ASPG: variants seen among roughly 807,000 people sequenced by gnomAD.
The protein encoded by ASPG is 60 kDa lysophospholipase.
ASPG carries 53 observed loss-of-function variants against 63.2 expected under a neutral mutation model. The ratio of observed to expected loss-of-function variants is 0.84; its 90% confidence interval spans 0.67 to 1.05. The LOEUF (loss-of-function observed/expected upper bound fraction) is 1.05, where lower values mean the gene tolerates loss of function less well. Among genes scored for constraint, ASPG ranks in the 50% least tolerant of loss-of-function variants. The probability of loss-of-function intolerance (pLI) is 0.00; values close to 1 mark genes in which losing one functional copy is unlikely to be tolerated. For synonymous variants in ASPG, 370 were observed against 355.0 expected (o/e 1.04, Z -0.48); for missense variants, 741 against 794.4 (o/e 0.93, Z 0.81).
At chr14:104,102,088 C>T (rs934903142) in intron 6 of ASPG, among the ~76,000 whole-genome samples, 1 of 152,062 alleles carries the variant, frequency 6.6e-6, no homozygotes, top group African/African-American at 2.4e-5. Context: ...CTGTGTAGCC[C>T]CCTCTCAGCC....
Position 104,110,476 on chromosome 14 carries a change from AGAACCCTGGTCC to A in ASPG, c.1521-1025_1521-1014del. On this transcript the variant is annotated intron_variant, in intron 13 of 15. Coordinates refer to ENST00000551177, the MANE Select transcript of ASPG (RefSeq NM_001080464.3). This position sits in a 1 kb window ranked among gnomAD's most constrained non-coding sequence, Gnocchi z 4.7. ...GTCAGGTCCTGTGGGAGCTGGGACC[AGAACCCTGGTCC>A]AGGACTCTGCTTGGAAGTGGCCTGG... is the stretch of plus-strand genomic sequence containing the variant. 9 of 985,344 alleles carry A rather than the reference AGAACCCTGGTCC, an allele frequency of 9.1e-6. No homozygotes were observed. The highest frequency in any genetic ancestry group is 1.1e-5 in the Non-Finnish European group (9 of 829,882). 61.0% of individuals were successfully genotyped at this position (985,344 alleles called of 1,614,324 possible). A position where few individuals can be genotyped will look rare whatever the true frequency, so the allele number is the denominator to read the frequency against.
At position 104,107,271 on chromosome 14, in the gene ASPG, G is replaced by T; in HGVS notation, c.1359G>T (p.Leu453=). The change falls in exon 12 of 16, where the codon CTG becomes CTT. Residue 453 remains leucine (L), a synonymous_variant. Transcript: ENST00000551177. ...RGGHTEAVTM[L]LQRGVDVNTR... ...GCCACACAGAGGCAGTCACCATGCT[G>T]CTGCAGAGAGGTGTGGACGTGAACA... 1 of 1,609,480 alleles carries T rather than the reference G, an allele frequency of 6.2e-7. No individual in the cohort carries two copies. Among genetic ancestry groups the T allele is most frequent in the Non-Finnish European group, 8.5e-7 (1 of 1,177,932 alleles).
At position 104,112,873 on chromosome 14, in the gene ASPG, CGT is replaced by C. The variant is rs2037419214; in HGVS notation, c.*331_*332del. The C allele has an allele frequency of 2.5e-6, 1 of 406,372 alleles. No homozygotes were observed. Among genetic ancestry groups the C allele is most frequent in the African/African-American group, 2.0e-5 (1 of 49,020 alleles). The allele number at this position is 406,372 out of a possible 1,614,324, so 25.2% of individuals were successfully genotyped here. A position where few individuals can be genotyped will look rare whatever the true frequency, so the allele number is the denominator to read the frequency against. Reference sequence around the variant, plus strand: ...AGCTGGGCAGGGTGGGGTGCATGGACGTGACTTGGCCAAGTGGTCCTTTCCCA... The same window carrying C: ...AGCTGGGCAGGGTGGGGTGCATGGACGACTTGGCCAAGTGGTCCTTTCCCA... On this transcript the variant is annotated 3_prime_UTR_variant, in exon 16 of 16. Coordinates refer to ENST00000551177, the MANE Select transcript of ASPG (RefSeq NM_001080464.3).
chr14:104,091,497 G>A lies in ASPG; in HGVS notation c.83-1136G>A, dbSNP rs936153380. 2.6e-5 allele frequency among the ~76,000 whole-genome samples: 4 copies of A among 152,136 alleles called. No individual in the cohort carries two copies. Among genetic ancestry groups the A allele is most frequent in the Admixed American group, 2.0e-4 (3 of 15,276 alleles). On this transcript the variant is annotated intron_variant, in intron 1 of 15. Coordinates refer to ENST00000551177, the MANE Select transcript of ASPG (RefSeq NM_001080464.3). This position sits in a 1 kb window ranked among gnomAD's most constrained non-coding sequence, Gnocchi z 6.4. Reference sequence around the variant, plus strand: ...CAGTCCTCTGGCAAACGTCCCCGGGGCTCCACAGGCCTTTGTGTAAGGCCA... The same window carrying A: ...CAGTCCTCTGGCAAACGTCCCCGGGACTCCACAGGCCTTTGTGTAAGGCCA...
chr14:104,099,070 G>C, intron 6 of ASPG, 91 bp downstream of exon 6: 2 of 1,493,282 alleles, frequency 1.3e-6, no homozygotes, highest in Non-Finnish European at 1.8e-6. Flanking sequence ...GGACTCGGCA[G>C]AGTTTGAGAG....
chr14:104,104,571 C>T, intron 8 of ASPG, 51 bp from the exon 9 acceptor site: 1 of 1,582,356 alleles, frequency 6.3e-7, no homozygotes, highest in East Asian at 2.3e-5. Flanking sequence ...CCCTCATGGG[C>T]TGGGGGCCGT....
intron 2 of ASPG, chr14:104,093,100 G>T: frequency 2.1e-6 from 1 of 475,400 alleles, no homozygotes; most frequent in South Asian, 2.3e-5. Flanking sequence ...TCAGCTCTGG[G>T]CCCAGCTCCC....
chr14:104,098,035 CGT>C (rs1596080722), intron 5 of ASPG, among the ~76,000 whole-genome samples: 2 of 82,630 alleles, frequency 2.4e-5, no homozygotes, highest in Non-Finnish European at 5.3e-5. Flanking sequence ...GTTAGAGATG[CGT>C]ATGGAGGTTT....
At chr14:104,094,501 T>C (rs2036509204) in intron 3 of ASPG, among the ~76,000 whole-genome samples, 1 of 145,534 alleles carries the variant, frequency 6.9e-6, no homozygotes, top group African/African-American at 2.6e-5. Flanking sequence ...CACAACACGC[T>C]CCCATGTTAC....
At position 104,110,493 on chromosome 14, in the gene ASPG, C is replaced by T. The variant is rs183012531; in HGVS notation, c.1521-1009C>T. 3 of 985,324 alleles carry T rather than the reference C, an allele frequency of 3.0e-6. No homozygotes were observed. The East Asian group carries it at 3.4e-4, about 112-fold the overall frequency. The allele number at this position is 985,324 out of a possible 1,614,324, so 61.0% of individuals were successfully genotyped here. On this transcript the variant is annotated intron_variant, in intron 13 of 15. Transcript: ENST00000551177. This position sits in a 1 kb window ranked among gnomAD's most constrained non-coding sequence, Gnocchi z 4.7. Reference sequence around the variant, plus strand: ...CTGGGACCAGAACCCTGGTCCAGGACTCTGCTTGGAAGTGGCCTGGCCAGC... The same window carrying T: ...CTGGGACCAGAACCCTGGTCCAGGATTCTGCTTGGAAGTGGCCTGGCCAGC...
Position 104,103,657 on chromosome 14 carries a change from T to C in ASPG, c.735T>C (p.Pro245=), listed in dbSNP as rs2036982035. Residue 245 remains proline (P), a synonymous_variant, in exon 7 of 16, where the codon CCT becomes CCC. Transcript: ENST00000551177. ...ACGTGGGCCTGCTGCGCCTCTACCC[T>C]GGGATCCCTGCCGCCCTGGTAGGGA... ...EQDVGLLRLY[P]GIPAALVRAF... The C allele has an allele frequency of 6.5e-7, 1 of 1,547,700 alleles. No individual in the cohort carries two copies. The highest frequency in any genetic ancestry group is 1.4e-5 in the African/African-American group (1 of 72,940).
Position 104,092,646 on chromosome 14 carries a change from G to C in ASPG, c.96G>C (p.Gly32=). 6.5e-7 allele frequency: 1 copy of C among 1,536,006 alleles called. No homozygotes were observed. The highest frequency in any genetic ancestry group is 8.7e-7 in the Non-Finnish European group (1 of 1,147,180). ...MRSELGVLVP[G]TGLAAILRTL... ...CTCTGCCTGCAGTGCTTGTGCCCGG[G>C]ACGGGCCTGGCTGCCATCCTGAGGA... Residue 32 remains glycine (G), a synonymous_variant, in exon 2 of 16, where the codon GGG becomes GGC. Transcript: ENST00000551177.
At chr14:104,093,231 C>T in intron 2 of ASPG, 1 of 569,458 alleles carries the variant, frequency 1.8e-6, no homozygotes, top group South Asian at 2.0e-5. Flanking sequence ...TGGTCCCAGC[C>T]CCCCTCTTCG....
chr14:104,098,557 G>A, intron 5 of ASPG, among the ~76,000 whole-genome samples: 1 of 152,158 alleles, frequency 6.6e-6, no homozygotes, highest in East Asian at 1.9e-4. Flanking sequence ...GTGGGCAGGT[G>A]GGAAGGGAAG....
At chr14:104,104,191 G>A (rs1337302316) in intron 7 of ASPG, 113 bp from the exon 8 acceptor site, 4 of 1,234,112 alleles carry the variant, frequency 3.2e-6, no homozygotes, top group Non-Finnish European at 4.5e-6. Flanking sequence ...AGCAGAGCAG[G>A]CACCAGCTGC....
At chr14:104,111,780 G>T in intron 14 of ASPG, 140 bp from the exon 15 acceptor site, 1 of 984,150 alleles carries the variant, frequency 1.0e-6, no homozygotes, top group Non-Finnish European at 1.5e-6. Flanking sequence ...TGAGTGGTGG[G>T]GGTGACGAGA....
In ASPG at chr14:104,105,174, C is replaced by T. The variant is rs573113055; in HGVS notation, c.1051-154C>T. The T allele has an allele frequency of 1.9e-5, 23 of 1,231,126 alleles. 1 individual carries two copies. The East Asian group carries it at 4.8e-4, about 26-fold the overall frequency. 76.3% of individuals were successfully genotyped at this position (1,231,126 alleles called of 1,614,324 possible). On this transcript the variant is annotated intron_variant, in intron 9 of 15. Transcript: ENST00000551177. Reference sequence around the variant, plus strand: ...AGTGGGGCTGGCCTTGGGAGGGGACCCAGCCCGCTCTGGCCCGAGGGATGA... The same window carrying T: ...AGTGGGGCTGGCCTTGGGAGGGGACTCAGCCCGCTCTGGCCCGAGGGATGA...
At position 104,097,567 on chromosome 14, in the gene ASPG, C is replaced by T; in HGVS notation, c.443C>T (p.Ala148Val). The stretch of plus-strand genomic sequence containing the variant: ...CCTCTCCCCCAGGTGCCCATCCATG[C>T]CCTGTGGAGCGACGGCCGTGAGAAC... Reference protein sequence around the residue: ...ILTGAQVPIHALWSDGRENLL... With the variant: ...ILTGAQVPIHVLWSDGRENLL... Residue 148 changes from alanine to valine, a missense_variant, in exon 5 of 16, where the codon GCC becomes GTC. Physicochemically the swap from Ala to Val is moderately conservative, Grantham distance 64. Transcript: ENST00000551177. 1 of 1,555,146 alleles carries T rather than the reference C, an allele frequency of 6.4e-7. No individual in the cohort carries two copies. Among genetic ancestry groups the T allele is most frequent in the South Asian group, 1.2e-5 (1 of 84,192 alleles).
At chr14:104,093,365 G>A (rs775306685) in intron 2 of ASPG, 126 bp from the exon 3 acceptor site, 12 of 824,624 alleles carry the variant, frequency 1.5e-5, no homozygotes, top group Non-Finnish European at 2.0e-5. Flanking sequence ...CTTGCTATGT[G>A]CGGAGCCCTT....
Sources: allele counts gnomAD v4.1 joint callset (sites outside exome capture counted in the v4.1 genomes callset), GRCh38; gene constraint gnomAD v4.1.1; non-coding constraint Gnocchi (gnomAD v3.1); transcripts MANE v1.5; gene names NCBI Gene and HGNC (gene_info 2026-07-23, HGNC 2026-07-21).